Variants in SUZ12 observed in about 807,000 individuals in gnomAD.
SUZ12 encodes polycomb protein SUZ12.
Under a neutral mutation model 87.3 loss-of-function variants are expected in SUZ12, and 17 were observed. That is an observed-to-expected ratio of 0.19 (90% CI 0.13 to 0.29). SUZ12 has a LOEUF of 0.29. Among genes scored for constraint, SUZ12 ranks in the 10% least tolerant of loss-of-function variants. The pLI, the probability that SUZ12 is intolerant of heterozygous loss-of-function variation, is 1.00. For missense variants in SUZ12, 526 were observed against 912.2 expected (o/e 0.58, Z 5.45); for synonymous variants, 253 against 312.4 (o/e 0.81, Z 2.01).
At chr17:31,955,218 T>G (rs1907237403) in intron 4 of SUZ12, among the ~76,000 whole-genome samples, 1 of 152,142 alleles carries the variant, frequency 6.6e-6, no homozygotes, top group Non-Finnish European at 1.5e-5. Context: ...CCCTCCTGCC[T>G]TAGCCTCCTG....
chr17:31,995,493 C>T, intron 13 of SUZ12, 71 bp from the exon 14 acceptor site: 1 of 1,265,566 alleles, frequency 7.9e-7, no homozygotes, highest in Non-Finnish European at 1.1e-6. Flanking sequence ...TCACAGATCT[C>T]AACTCCTAGT....
intron 4 of SUZ12, among the ~76,000 whole-genome samples, chr17:31,951,474 GGTTA>G (rs1343558368): frequency 1.3e-5 from 2 of 150,692 alleles, no homozygotes; most frequent in Non-Finnish European, 3.0e-5. Flanking sequence ...ATTAAATGGT[GGTTA>G]GTTCTTTTTT....
chr17:31,970,228 A>AT (rs1469329760), intron 5 of SUZ12, among the ~76,000 whole-genome samples: 6 of 152,224 alleles, frequency 3.9e-5, no homozygotes, highest in African/African-American at 1.2e-4. Context: ...ACATTGGACT[A>AT]TTTTTTGCTG....
chr17:31,974,879 A>T (rs2470252), intron 6 of SUZ12, among the ~76,000 whole-genome samples: 2 of 152,336 alleles, frequency 1.3e-5, no homozygotes, highest in East Asian at 1.9e-4. Context: ...CTAATCATAC[A>T]ATAACAGAAT....
rs28577024 is a variant in SUZ12 at position 31,950,105 on chromosome 17, G to A, written c.455+2420G>A. On this transcript the variant is annotated intron_variant, in intron 4 of 15. Transcript: ENST00000322652. ...CTGCCTCCCGTGTTCTCCTGCCTCA[G>A]CCTCCCAAGTAGCAGGGATTACAGG... Among the ~76,000 whole-genome samples the A allele has an allele frequency of 2.6e-3, 391 of 152,122 alleles. 5 individuals carry two copies. The highest frequency in any genetic ancestry group is 8.9e-3 in the African/African-American group (371 of 41,512).
At chr17:31,950,488 G>T (rs1206181436) in intron 4 of SUZ12, among the ~76,000 whole-genome samples, 1 of 152,040 alleles carries the variant, frequency 6.6e-6, no homozygotes, top group Non-Finnish European at 1.5e-5. Context: ...ATTTGAGACT[G>T]CCCTGGCCAA....
At chr17:31,962,878 T>C (rs578635) in intron 4 of SUZ12, among the ~76,000 whole-genome samples, 47 of 152,014 alleles carry the variant, frequency 3.1e-4, no homozygotes, top group Non-Finnish European at 5.3e-4. Context: ...TAGTATGTAG[T>C]TTTAATTGAA....
intron 8 of SUZ12, among the ~76,000 whole-genome samples, chr17:31,979,914 T>C (rs924789770): frequency 6.6e-6 from 1 of 152,148 alleles, no homozygotes; most frequent in African/African-American, 2.4e-5. Context: ...TTCTAACATT[T>C]CTTCCACATT....
At chr17:31,938,129 T>A (rs1333290199) in intron 1 of SUZ12, among the ~76,000 whole-genome samples, 2 of 152,210 alleles carry the variant, frequency 1.3e-5, no homozygotes, top group Non-Finnish European at 2.9e-5. Context: ...ATTCTGCTTT[T>A]TCTACCTGGC....
chr17:31,971,043 A>G (rs1352553624), intron 5 of SUZ12, among the ~76,000 whole-genome samples: 6 of 152,210 alleles, frequency 3.9e-5, no homozygotes, highest in South Asian at 2.1e-4. Flanking sequence ...TAGAGAATAT[A>G]GACTATGGTA....
rs1466338428 is a variant in SUZ12, at chr17:31,937,193, G to A, written c.-54G>A. Reference sequence around the variant, plus strand: ...CGAGCGGTTGGTATTGCAGGCGCTTGCTCTCCGGGGCCGCCCGGCGGGTAG... The same window carrying A: ...CGAGCGGTTGGTATTGCAGGCGCTTACTCTCCGGGGCCGCCCGGCGGGTAG... On this transcript the variant is annotated 5_prime_UTR_variant, in exon 1 of 16. Coordinates refer to ENST00000322652, the MANE Select transcript of SUZ12 (RefSeq NM_015355.4). 7.6e-5 allele frequency: 105 copies of A among 1,382,292 alleles called. No homozygotes were observed. The highest frequency in any genetic ancestry group is 3.4e-4 in the East Asian group (11 of 32,790). The allele number at this position is 1,382,292 out of a possible 1,614,324, so 85.6% of individuals were successfully genotyped here. A position where few individuals can be genotyped will look rare whatever the true frequency, so the allele number is the denominator to read the frequency against.
At chr17:31,957,498 A>T (rs1451485255) in intron 4 of SUZ12, among the ~76,000 whole-genome samples, 1 of 149,872 alleles carries the variant, frequency 6.7e-6, no homozygotes, top group Non-Finnish European at 1.5e-5. Context: ...TGCAACTTCC[A>T]CCTCCCAGGC....
intron 8 of SUZ12, among the ~76,000 whole-genome samples, chr17:31,979,120 A>AAAAAAAAG (rs1205903952): frequency 1.4e-5 from 2 of 146,518 alleles, no homozygotes; most frequent in African/African-American, 5.2e-5. Flanking sequence ...AAAAAAAAAA[A>AAAAAAAAG]AAAAAGAATT....
chr17:31,962,890 C>A (rs1907822020), intron 4 of SUZ12, among the ~76,000 whole-genome samples: 1 of 152,194 alleles, frequency 6.6e-6, no homozygotes, highest in African/African-American at 2.4e-5. Context: ...TTAATTGAAG[C>A]AACAAAGAGT....
rs141275873 is a variant in SUZ12, at chr17:31,942,212, A to G, written c.386+1726A>G. On this transcript the variant is annotated intron_variant, in intron 3 of 15. Coordinates refer to ENST00000322652, the MANE Select transcript of SUZ12 (RefSeq NM_015355.4). ...GATTTAAATATTTACTAAAGGGCTC[A>G]GGGTAACTATATTTGTTACGTAAAA... Among the ~76,000 whole-genome samples, 813 of 152,262 alleles carry G rather than the reference A, an allele frequency of 5.3e-3. 6 individuals carry two copies. Among genetic ancestry groups the G allele is most frequent in the African/African-American group, 0.019 (781 of 41,556 alleles).
At chr17:31,955,716 C>G (rs987326784) in intron 4 of SUZ12, among the ~76,000 whole-genome samples, 1 of 151,664 alleles carries the variant, frequency 6.6e-6, no homozygotes, top group Admixed American at 6.6e-5. Context: ...CCATTGCACT[C>G]CAGCATGGGC....
chr17:31,963,167 G>GAC (rs1907842511), intron 4 of SUZ12, among the ~76,000 whole-genome samples: 1 of 139,744 alleles, frequency 7.2e-6, no homozygotes, highest in African/African-American at 2.8e-5. Context: ...TATTTTTTGA[G>GAC]ACAGTCTTGC....
intron 4 of SUZ12, among the ~76,000 whole-genome samples, chr17:31,955,702 C>G (rs534433200): frequency 5.9e-5 from 9 of 151,496 alleles, no homozygotes; most frequent in Non-Finnish European, 1.3e-4. Flanking sequence ...GAGGAGAGAT[C>G]GCGCCATTGC....
chr17:31,945,912 T>C (rs1261438462), intron 3 of SUZ12, among the ~76,000 whole-genome samples: 2 of 152,196 alleles, frequency 1.3e-5, no homozygotes, highest in African/African-American at 2.4e-5. Context: ...TTTCAGTATT[T>C]ATACTGAATA....
Sources: allele counts gnomAD v4.1 joint callset (sites outside exome capture counted in the v4.1 genomes callset), GRCh38; gene constraint gnomAD v4.1.1; transcripts MANE v1.5; gene names NCBI Gene and HGNC (gene_info 2026-07-23, HGNC 2026-07-21).